CPQ: variants seen among roughly 807,000 people sequenced by gnomAD.
The protein encoded by CPQ is carboxypeptidase Q.
A neutral mutation model predicts 45.7 loss-of-function variants in CPQ; 37 were observed. The observed-to-expected ratio is 0.81, with a 90% CI of 0.62 to 1.07. CPQ has a LOEUF of 1.07. Among genes scored for constraint, CPQ ranks in the 50% least tolerant of loss-of-function variants. The pLI, the probability that CPQ is intolerant of heterozygous loss-of-function variation, is 0.00. For synonymous variants in CPQ, 186 were observed against 205.8 expected (o/e 0.90, Z 0.82); for missense variants, 537 against 572.9 (o/e 0.94, Z 0.64).
chr8:96,654,026 A>G (rs912021316), intron 1 of CPQ, among the ~76,000 whole-genome samples: 12 of 152,236 alleles, frequency 7.9e-5, no homozygotes, highest in African/African-American at 2.9e-4. Context: ...CATATCATAG[A>G]AGCGTTCATG....
chr8:97,062,151 G>T (rs111366866), intron 6 of CPQ, among the ~76,000 whole-genome samples: 1,786 of 152,140 alleles, frequency 0.012, 29 homozygotes, highest in African/African-American at 0.036. Flanking sequence ...AACACTTAAT[G>T]AACACATTAT....
At chr8:97,067,082 A>G (rs1349851294) in intron 7 of CPQ, among the ~76,000 whole-genome samples, 1 of 151,792 alleles carries the variant, frequency 6.6e-6, no homozygotes, top group African/African-American at 2.4e-5. Context: ...GTGCACCACC[A>G]TGCCTGGCTA....
intron 3 of CPQ, among the ~76,000 whole-genome samples, chr8:96,877,600 C>A (rs2130879178): frequency 6.6e-6 from 1 of 152,246 alleles, no homozygotes; most frequent in African/African-American, 2.4e-5. Flanking sequence ...AAAATTAACA[C>A]CAAAGAAGTA....
At chr8:96,683,314 T>A (rs1317002509) in intron 1 of CPQ, among the ~76,000 whole-genome samples, 2 of 152,190 alleles carry the variant, frequency 1.3e-5, no homozygotes, top group African/African-American at 2.4e-5. Flanking sequence ...GGGTTTTTTC[T>A]TTTGGCACTT....
chr8:96,853,099 ATGTTCT>A (rs1213677070), intron 3 of CPQ, among the ~76,000 whole-genome samples: 1 of 152,186 alleles, frequency 6.6e-6, no homozygotes, highest in Non-Finnish European at 1.5e-5. Flanking sequence ...AAAATATTTG[ATGTTCT>A]TGTCAGGATG....
rs532907321 is a variant in CPQ, at chr8:97,006,142, T to A, written c.962-23261T>A. Among the ~76,000 whole-genome samples, 3 of 152,252 alleles carry A rather than the reference T, an allele frequency of 2.0e-5. No individual in the cohort carries two copies. The South Asian group carries it at 6.2e-4, about 32-fold the overall frequency. ...AATGAAGTCCTTGGACCTGTGGTTT[T>A]TTTGTGGGGTTATTTGCTCTTGTAG... On this transcript the variant is annotated intron_variant, in intron 5 of 7. Transcript: ENST00000220763.
chr8:97,009,753 C>T (rs528820011), intron 5 of CPQ, among the ~76,000 whole-genome samples: 31 of 152,120 alleles, frequency 2.0e-4, no homozygotes, highest in Admixed American at 1.4e-3. Context: ...GAGGGAGTAA[C>T]GAGTGGTAAG....
chr8:96,861,025 ATCTT>A (rs755554667), intron 3 of CPQ, among the ~76,000 whole-genome samples: 8 of 152,140 alleles, frequency 5.3e-5, no homozygotes, highest in Admixed American at 3.3e-4. Flanking sequence ...AAATAAAGCA[ATCTT>A]TCTTTCTTCT....
chr8:96,722,971 G>A (rs1049178532), intron 1 of CPQ, among the ~76,000 whole-genome samples: 3 of 152,168 alleles, frequency 2.0e-5, no homozygotes, highest in Admixed American at 2.0e-4. Context: ...AGTAAGGAAA[G>A]ACATATAAAT....
chr8:96,699,705 GA>G (rs983177107), intron 1 of CPQ, among the ~76,000 whole-genome samples: 1 of 151,890 alleles, frequency 6.6e-6, no homozygotes, highest in African/African-American at 2.4e-5. Flanking sequence ...AACAAATTTT[GA>G]AACATATGGT....
intron 4 of CPQ, among the ~76,000 whole-genome samples, chr8:96,896,642 C>A (rs966447071): frequency 6.6e-6 from 1 of 152,158 alleles, no homozygotes; most frequent in African/African-American, 2.4e-5. Flanking sequence ...CCCTGAGAAG[C>A]CTCTCTTAAT....
At chr8:97,069,470 TAAA>T (rs76928528) in intron 7 of CPQ, among the ~76,000 whole-genome samples, 4 of 124,652 alleles carry the variant, frequency 3.2e-5, no homozygotes, top group Middle Eastern at 3.7e-3. Flanking sequence ...CATCTGTCTC[TAAA>T]AAAAAAAAAA....
Position 96,696,246 on chromosome 8 carries a change from A to T in CPQ, c.-35+50844A>T, listed in dbSNP as rs565520455. Reference sequence around the variant, plus strand: ...CATAGGTGGGAATTGAACAATGAGAACACATGGACACAGGAAGGGGAACAT... The same window carrying T: ...CATAGGTGGGAATTGAACAATGAGATCACATGGACACAGGAAGGGGAACAT... On this transcript the variant is annotated intron_variant, in intron 1 of 7. Transcript: ENST00000220763. Among the ~76,000 whole-genome samples, 3 of 150,524 alleles carry T rather than the reference A, an allele frequency of 2.0e-5. No homozygotes were observed. In the South Asian group the frequency reaches 6.4e-4, roughly 32 times the overall value.
chr8:96,923,765 A>G (rs1213437842), intron 4 of CPQ, among the ~76,000 whole-genome samples: 8 of 152,234 alleles, frequency 5.3e-5, no homozygotes, highest in Admixed American at 4.6e-4. Flanking sequence ...TTTGTTAGGT[A>G]ATTCCAGGAA....
chr8:96,860,593 A>G (rs1053227941), intron 3 of CPQ, among the ~76,000 whole-genome samples: 1 of 152,064 alleles, frequency 6.6e-6, no homozygotes, highest in Non-Finnish European at 1.5e-5. Context: ...AGCAGTGGGA[A>G]AGATTGGAGC....
intron 7 of CPQ, among the ~76,000 whole-genome samples, chr8:97,087,502 T>TTTTG (rs1349634419): frequency 1.0e-4 from 15 of 147,492 alleles, no homozygotes; most frequent in Non-Finnish European, 2.1e-4. Flanking sequence ...TATTTTAATT[T>TTTTG]TTTGTTATAA....
chr8:96,969,609 C>A (rs1199081847), intron 5 of CPQ, among the ~76,000 whole-genome samples: 1 of 151,372 alleles, frequency 6.6e-6, no homozygotes, highest in Non-Finnish European at 1.5e-5. Context: ...TGAAGTATTC[C>A]CAGCAGAGTA....
intron 6 of CPQ, 151 bp downstream of exon 6, chr8:97,029,645 G>A: frequency 1.5e-6 from 1 of 678,356 alleles, no homozygotes. Flanking sequence ...CCCTGTGAAT[G>A]AGAATGCACT....
intron 3 of CPQ, among the ~76,000 whole-genome samples, chr8:96,871,561 A>T (rs1366511901): frequency 1.6e-5 from 2 of 123,118 alleles, no homozygotes; most frequent in African/African-American, 6.2e-5. Context: ...TTTTTTAAGC[A>T]GGCTGTGGCA....
Sources: allele counts gnomAD v4.1 joint callset (sites outside exome capture counted in the v4.1 genomes callset), GRCh38; gene constraint gnomAD v4.1.1; transcripts MANE v1.5; gene names NCBI Gene and HGNC (gene_info 2026-07-23, HGNC 2026-07-21).